Variants in DPYSL2 observed in about 807,000 individuals in gnomAD.
The protein encoded by DPYSL2 is dihydropyrimidinase-related protein 2.
DPYSL2 carries 13 observed loss-of-function variants against 69.9 expected under a neutral mutation model. That is an observed-to-expected ratio of 0.19 (90% CI 0.12 to 0.30). The LOEUF (loss-of-function observed/expected upper bound fraction) is 0.30. Ranked by LOEUF, DPYSL2 falls within the 10% of genes least tolerant of loss-of-function variation. The probability of loss-of-function intolerance (pLI) is 1.00; values close to 1 mark genes in which losing one functional copy is unlikely to be tolerated. For synonymous variants in DPYSL2, 326 were observed against 359.1 expected, an observed-to-expected ratio of 0.91 and a Z score of 1.04; for missense variants, 587 against 918.9, an observed-to-expected ratio of 0.64 and a Z score of 4.67.
chr8:26,625,996 G>A (rs1802603976), intron 4 of DPYSL2, among the ~76,000 whole-genome samples: 1 of 152,132 alleles, frequency 6.6e-6, no homozygotes, highest in Non-Finnish European at 1.5e-5. Flanking sequence ...ACTCTCCACT[G>A]TCCTTCACCC....
chr8:26,622,152 T>TCCTC (rs1802504073), intron 3 of DPYSL2, among the ~76,000 whole-genome samples: 1 of 65,402 alleles, frequency 1.5e-5, no homozygotes, highest in Admixed American at 1.4e-4. Context: ...CTTCCTTCCT[T>TCCTC]CCTTCCCTCT....
Position 26,621,792 on chromosome 8 carries a change from T to C in DPYSL2, c.629-2351T>C, listed in dbSNP as rs930925317. Among the ~76,000 whole-genome samples the C allele has an allele frequency of 6.6e-6, 1 of 151,902 alleles. No homozygotes were observed. The highest frequency in any genetic ancestry group is 1.5e-5 in the Non-Finnish European group (1 of 67,972). ...AAGTGAAGAATGGCCGGGGTGGCCATTGTGGGTGAGCAGGTCAGGGATAAA... is the reference window on the plus strand; with the variant it reads ...AAGTGAAGAATGGCCGGGGTGGCCACTGTGGGTGAGCAGGTCAGGGATAAA... On this transcript the variant is annotated intron_variant, in intron 3 of 13. Coordinates refer to ENST00000521913, the MANE Select transcript of DPYSL2 (RefSeq NM_001197293.3). This position sits in a 1 kb window ranked among gnomAD's most constrained non-coding sequence, Gnocchi z 4.9.
intron 1 of DPYSL2, among the ~76,000 whole-genome samples, chr8:26,555,425 G>A (rs1762186757): frequency 6.6e-6 from 1 of 152,094 alleles, no homozygotes; most frequent in South Asian, 2.1e-4. Flanking sequence ...TGAGGTTATT[G>A]TACAAAAGCC....
chr8:26,639,253 G>A (rs1398749207), intron 8 of DPYSL2, among the ~76,000 whole-genome samples: 1 of 152,224 alleles, frequency 6.6e-6, no homozygotes, highest in East Asian at 1.9e-4. Context: ...AGAGAGGACA[G>A]TAGAGAAAGG....
At position 26,571,845 on chromosome 8, in the gene DPYSL2, C is replaced by T. The variant is rs924086862; in HGVS notation, c.355-10124C>T. On this transcript the variant is annotated intron_variant, in intron 1 of 13. Coordinates refer to ENST00000521913, the MANE Select transcript of DPYSL2 (RefSeq NM_001197293.3). The surrounding 1 kb of genome is among the most constrained non-coding windows in gnomAD (Gnocchi z 6.1). ...ACAGGGGAAGGCAGTGGGCAGGTTC[C>T]GATCCAATCTGCAGTCTCTGACCCT... Among the ~76,000 whole-genome samples, 20 of 152,302 alleles carry T rather than the reference C, an allele frequency of 1.3e-4. No homozygotes were observed. Among genetic ancestry groups the T allele is most frequent in the African/African-American group, 3.9e-4 (16 of 41,554 alleles).
At chr8:26,554,951 A>C (rs1800922199) in intron 1 of DPYSL2, among the ~76,000 whole-genome samples, 1 of 152,236 alleles carries the variant, frequency 6.6e-6, no homozygotes, top group African/African-American at 2.4e-5. Flanking sequence ...CCAGGTTTAC[A>C]AGAGTGGTTC....
At chr8:26,546,846 G>T (rs914317059) in intron 1 of DPYSL2, among the ~76,000 whole-genome samples, 3 of 132,360 alleles carry the variant, frequency 2.3e-5, no homozygotes, top group Admixed American at 9.0e-5. Flanking sequence ...GCGTGAACCC[G>T]AGAGGCGGAG....
intron 1 of DPYSL2, among the ~76,000 whole-genome samples, chr8:26,521,539 T>C (rs1392211928): frequency 6.6e-6 from 1 of 152,166 alleles, no homozygotes; most frequent in Non-Finnish European, 1.5e-5. Context: ...TTTTGGCAGG[T>C]TTGAAATGCA....
rs1325656898 is a variant in DPYSL2, at chr8:26,656,674, G to T, written c.*968G>T. The T allele has an allele frequency of 2.6e-5, 4 of 152,704 alleles. No individual in the cohort carries two copies. Among genetic ancestry groups the T allele is most frequent in the Non-Finnish European group, 5.9e-5 (4 of 68,098 alleles). The allele number at this position is 152,704 out of a possible 1,614,324, so 9.5% of individuals were successfully genotyped here. A position where few individuals can be genotyped will look rare whatever the true frequency, so the allele number is the denominator to read the frequency against. On this transcript the variant is annotated 3_prime_UTR_variant, in exon 14 of 14. Coordinates refer to ENST00000521913, the MANE Select transcript of DPYSL2 (RefSeq NM_001197293.3). ...TTGAGCGTTTGCCATTGCAAGCATA[G>T]TGCTGTGTCATCCTGGTCCATGTAG...
intron 1 of DPYSL2, chr8:26,548,356 TG>T: frequency 4.1e-6 from 1 of 246,766 alleles, no homozygotes; most frequent in Non-Finnish European, 8.0e-6. Context: ...AGAAGCAACC[TG>T]GAGAAAATTG....
intron 3 of DPYSL2, among the ~76,000 whole-genome samples, chr8:26,615,146 A>G (rs906011442): frequency 2.6e-5 from 4 of 152,124 alleles, no homozygotes; most frequent in African/African-American, 9.7e-5. Flanking sequence ...CGGATTACTT[A>G]ATCTTACTGT....
rs746440185 is a variant in DPYSL2, at chr8:26,621,201, A to G, written c.629-2942A>G. ...AAAAAAGGCAGTAAAAATACACCCA[A>G]ATTTGAATAGGTTGATTTTGGGGTG... On this transcript the variant is annotated intron_variant, in intron 3 of 13. Transcript: ENST00000521913. The surrounding 1 kb of genome is among the most constrained non-coding windows in gnomAD (Gnocchi z 4.9). Among the ~76,000 whole-genome samples, 2 of 152,152 alleles carry G rather than the reference A, an allele frequency of 1.3e-5. No homozygotes were observed. Among genetic ancestry groups the G allele is most frequent in the African/African-American group, 2.4e-5 (1 of 41,418 alleles).
rs144058832 is a variant in DPYSL2 at position 26,514,962 on chromosome 8, G to A, written c.354+283G>A. On this transcript the variant is annotated intron_variant, in intron 1 of 13. Transcript: ENST00000521913. The surrounding 1 kb of genome is among the most constrained non-coding windows in gnomAD (Gnocchi z 8.4). ...GGCTGATCCCCTGCTGGGGCGGGCG[G>A]TGGTCGTCTGGGAGGGGGTTGGCCG... Among the ~76,000 whole-genome samples the A allele has an allele frequency of 6.6e-6, 1 of 152,364 alleles. No homozygotes were observed. Among genetic ancestry groups the A allele is most frequent in the African/African-American group, 2.4e-5 (1 of 41,596 alleles).
In DPYSL2 at chr8:26,654,433, T is replaced by C. The variant is rs1803340136; in HGVS notation, c.1942+1036T>C. Among the ~76,000 whole-genome samples, 1 of 152,194 alleles carries C rather than the reference T, an allele frequency of 6.6e-6. No homozygotes were observed. Among genetic ancestry groups the C allele is most frequent in the Non-Finnish European group, 1.5e-5 (1 of 68,030 alleles). On this transcript the variant is annotated intron_variant, in intron 13 of 13. Coordinates refer to ENST00000521913, the MANE Select transcript of DPYSL2 (RefSeq NM_001197293.3). This position sits in a 1 kb window ranked among gnomAD's most constrained non-coding sequence, Gnocchi z 5.0. ...TTGTTAAACCAGAGAGAATTTTTTT[T>C]CTTGGTGGTTGTATGGGTTTTTAGA...
At chr8:26,522,524 A>C (rs1023224435) in intron 1 of DPYSL2, among the ~76,000 whole-genome samples, 2 of 152,152 alleles carry the variant, frequency 1.3e-5, no homozygotes, top group African/African-American at 4.8e-5. Context: ...TATTTTCCTC[A>C]TTTTGGTTAT....
At chr8:26,519,597 G>A (rs1808352683) in intron 1 of DPYSL2, among the ~76,000 whole-genome samples, 1 of 152,030 alleles carries the variant, frequency 6.6e-6, no homozygotes, top group Non-Finnish European at 1.5e-5. Context: ...TGTAAATAAG[G>A]AAACCGAGAT....
rs935149090 is a variant in DPYSL2, at chr8:26,571,846, G to A, written c.355-10123G>A. Among the ~76,000 whole-genome samples the A allele has an allele frequency of 3.3e-5, 5 of 152,152 alleles. No homozygotes were observed. The highest frequency in any genetic ancestry group is 7.2e-5 in the African/African-American group (3 of 41,446). ...CAGGGGAAGGCAGTGGGCAGGTTCC[G>A]ATCCAATCTGCAGTCTCTGACCCTT... On this transcript the variant is annotated intron_variant, in intron 1 of 13. Transcript: ENST00000521913. The surrounding 1 kb of genome is among the most constrained non-coding windows in gnomAD (Gnocchi z 6.1).
chr8:26,573,228 C>A (rs1040654579), intron 1 of DPYSL2, among the ~76,000 whole-genome samples: 1 of 152,132 alleles, frequency 6.6e-6, no homozygotes, highest in Non-Finnish European at 1.5e-5. Flanking sequence ...GAAGGCCCGG[C>A]AAAGTGATAT....
chr8:26,545,180 A>T (rs542678318), intron 1 of DPYSL2, among the ~76,000 whole-genome samples: 26 of 152,328 alleles, frequency 1.7e-4, no homozygotes, highest in African/African-American at 4.8e-4. Context: ...CCATATGCAG[A>T]ACTTCTTATC....
Sources: allele counts gnomAD v4.1 joint callset (sites outside exome capture counted in the v4.1 genomes callset), GRCh38; gene constraint gnomAD v4.1.1; non-coding constraint Gnocchi (gnomAD v3.1); transcripts MANE v1.5; gene names NCBI Gene and HGNC (gene_info 2026-07-23, HGNC 2026-07-21).